VPS13C: variants seen among roughly 807,000 people sequenced by gnomAD.
The protein encoded by VPS13C is vacuolar protein sorting 13 homolog C, also known as intermembrane lipid transfer protein VPS13C.
VPS13C carries 358 observed loss-of-function variants against 456.8 expected under a neutral mutation model. The ratio of observed to expected loss-of-function variants is 0.78; its 90% CI spans 0.72 to 0.86. The LOEUF (loss-of-function observed/expected upper bound fraction) is 0.86. Ranked by LOEUF, VPS13C falls within the 40% of genes least tolerant of loss-of-function variation. The pLI, the probability that VPS13C is intolerant of heterozygous loss-of-function variation, is 0.00. For missense variants in VPS13C, 4,818 were observed against 4,385.4 expected (o/e 1.10, Z -2.79); for synonymous variants, 1,578 against 1,486.7 (o/e 1.06, Z -1.41).
chr15:62,002,284 T>G (rs1421459386), intron 15 of VPS13C, among the ~76,000 whole-genome samples: 2 of 152,238 alleles, frequency 1.3e-5, no homozygotes, highest in Non-Finnish European at 2.9e-5. Flanking sequence ...GGTGAGCATT[T>G]TTTCATGTGT....
intron 66 of VPS13C, among the ~76,000 whole-genome samples, chr15:61,895,452 G>GCTAGACT: frequency 6.6e-6 from 1 of 152,156 alleles, no homozygotes; most frequent in Middle Eastern, 3.4e-3. Flanking sequence ...CAAACTTTTA[G>GCTAGACT]CTAGACTACA....
intron 31 of VPS13C, 42 bp from the exon 32 acceptor site, chr15:61,963,993 G>T: frequency 1.6e-6 from 2 of 1,282,350 alleles, no homozygotes; most frequent in Non-Finnish European, 2.2e-6. Context: ...TGAGATTCTA[G>T]TCATCTACAT....
chr15:62,021,183 T>C (rs2047448816), intron 8 of VPS13C, among the ~76,000 whole-genome samples: 1 of 151,856 alleles, frequency 6.6e-6, no homozygotes, highest in South Asian at 2.1e-4. Flanking sequence ...AGGAAATTTA[T>C]TAATGGGTAC....
chr15:62,017,227 C>T (rs1398232232), intron 9 of VPS13C, among the ~76,000 whole-genome samples: 2 of 152,092 alleles, frequency 1.3e-5, no homozygotes, highest in African/African-American at 2.4e-5. Flanking sequence ...TTCTCCCATT[C>T]TGTAGGTTGC....
Position 61,911,935 on chromosome 15 carries a change from T to C in VPS13C, c.8620A>G (p.Ile2874Val), listed in dbSNP as rs762787145. ...AGTTCTAATGATGACTTGTTTGCAA[T>C]GGTACAAAAGGGAGTCAGGGTAACT... is the stretch of plus-strand genomic sequence containing the variant. ...RIVTLTPFCT[I>V]ANKSSLELEV... Residue 2874 changes from isoleucine to valine, a missense_variant, in exon 63 of 85, where the codon ATT becomes GTT. This residue lies in a region of VPS13C where 4,552 missense variants were observed against 4,130.6 expected (regional missense o/e 1.10). Coordinates refer to ENST00000644861, the MANE Select transcript of VPS13C (RefSeq NM_020821.3). 3.0e-5 allele frequency: 49 copies of C among 1,612,986 alleles called. No homozygotes were observed. The highest frequency in any genetic ancestry group is 3.3e-5 in the Non-Finnish European group (39 of 1,179,494).
At chr15:61,910,675 T>G (rs371475243) in intron 63 of VPS13C, among the ~76,000 whole-genome samples, 1 of 152,182 alleles carries the variant, frequency 6.6e-6, no homozygotes, top group African/African-American at 2.4e-5. Context: ...TGATGAATTC[T>G]TTCACAGAGT....
intron 15 of VPS13C, among the ~76,000 whole-genome samples, chr15:62,001,201 G>A (rs1273789631): frequency 6.6e-6 from 1 of 152,170 alleles, no homozygotes. Flanking sequence ...GACAGATATT[G>A]TTACCATTTT....
At chr15:61,956,340 G>C (rs561789789) in intron 37 of VPS13C, among the ~76,000 whole-genome samples, 2 of 150,152 alleles carry the variant, frequency 1.3e-5, no homozygotes, top group Admixed American at 6.7e-5. Flanking sequence ...GAGAGGGGGG[G>C]ACTGGGGGAG....
Position 61,967,434 on chromosome 15 carries a change from C to T in VPS13C, c.2925G>A (p.Lys975=), listed in dbSNP as rs763620558. Reference sequence around the variant, plus strand: ...CAGAAGAGCTAATCAAGTGAAGGGGCTTCCTTTTGGATCCTAGATTAAAGA... The same window carrying T: ...CAGAAGAGCTAATCAAGTGAAGGGGTTTCCTTTTGGATCCTAGATTAAAGA... ...DYHEIEGSKR[K]PLHLISSSDK... Residue 975 remains lysine (K), a synonymous_variant, in exon 29 of 85, where the codon AAG becomes AAA. Transcript: ENST00000644861. 3.1e-6 allele frequency: 5 copies of T among 1,597,748 alleles called. No homozygotes were observed. The highest frequency in any genetic ancestry group is 2.7e-5 in the African/African-American group (2 of 73,274).
rs2043735450 is a variant in VPS13C at position 61,923,654 on chromosome 15, C to T, written c.6610-892G>A. On this transcript the variant is annotated intron_variant, in intron 53 of 84. Transcript: ENST00000644861. The stretch of plus-strand genomic sequence containing the variant: ...TAGGTTAAATAAGTTAACTGTATTC[C>T]TTTATTGTTCACTTCTCACAATCCT... Among the ~76,000 whole-genome samples the T allele has an allele frequency of 1.3e-5, 2 of 151,130 alleles. 1 individual carries two copies. Among genetic ancestry groups the T allele is most frequent in the South Asian group, 4.2e-4 (2 of 4,766 alleles).
chr15:61,863,732 A>G (rs929420954), intron 81 of VPS13C: 3 of 408,104 alleles, frequency 7.4e-6, no homozygotes, highest in Admixed American at 4.3e-5. Flanking sequence ...TAAAAGAAAA[A>G]CATGTAATAA....
chr15:61,958,863 T>A (rs1006568532), intron 36 of VPS13C, 147 bp from the exon 37 acceptor site: 2 of 464,332 alleles, frequency 4.3e-6, no homozygotes, highest in African/African-American at 4.1e-5. Flanking sequence ...CTCACTTAAG[T>A]ATTGCACTAC....
intron 5 of VPS13C, among the ~76,000 whole-genome samples, chr15:62,029,890 G>A (rs533505949): frequency 7.9e-5 from 12 of 152,092 alleles, no homozygotes; most frequent in East Asian, 3.9e-4. Flanking sequence ...AATTATATCC[G>A]GTGCATCCAT....
At chr15:61,922,184 ACT>A (rs1247300715) in intron 54 of VPS13C, 151 bp from the exon 55 acceptor site, 35 of 1,038,740 alleles carry the variant, frequency 3.4e-5, no homozygotes, top group South Asian at 1.0e-4. Context: ...ATTTTCCTTT[ACT>A]CTCTTACTCT....
chr15:61,941,860 C>G lies in VPS13C; in HGVS notation c.5356G>C (p.Val1786Leu). ...GGAACCAAGCTAAACTTGTTTTCAACTCTGATTAAACCCAGATCTGCTATA... is the reference window on the plus strand; with the variant it reads ...GGAACCAAGCTAAACTTGTTTTCAAGTCTGATTAAACCCAGATCTGCTATA... ...AVIADLGLIRVENKFSLVPME... is the reference protein window; with the variant it reads ...AVIADLGLIRLENKFSLVPME... The change falls in exon 46 of 85, where the codon GTT becomes CTT. Residue 1786 changes from valine to leucine, a missense_variant. This residue lies in a region of VPS13C where 4,552 missense variants were observed against 4,130.6 expected (regional missense o/e 1.10). Transcript: ENST00000644861. 1.9e-6 allele frequency: 3 copies of G among 1,613,966 alleles called. No homozygotes were observed. The highest frequency in any genetic ancestry group is 1.7e-6 in the Non-Finnish European group (2 of 1,179,886).
At chr15:62,026,069 G>T (rs1245238269) in intron 6 of VPS13C, among the ~76,000 whole-genome samples, 2 of 149,750 alleles carry the variant, frequency 1.3e-5, no homozygotes, top group Non-Finnish European at 3.0e-5. Flanking sequence ...AACCTGTTGA[G>T]ATATGTTGTT....
intron 23 of VPS13C, 42 bp downstream of exon 23, chr15:61,978,584 C>T (rs375717038): frequency 6.3e-7 from 1 of 1,593,294 alleles, no homozygotes; most frequent in African/African-American, 1.3e-5. Context: ...CACAAACTAC[C>T]CATCATAATC....
rs757593716 is a variant in VPS13C, at chr15:61,917,396, T to A, written c.8000A>T (p.Tyr2667Phe). 1 of 1,613,982 alleles carries A rather than the reference T, an allele frequency of 6.2e-7. No homozygotes were observed. The highest frequency in any genetic ancestry group is 2.2e-5 in the East Asian group (1 of 44,866). ...DWDVAYIIHLYPSLTLRNLLP... is the reference protein window; with the variant it reads ...DWDVAYIIHLFPSLTLRNLLP... The stretch of plus-strand genomic sequence containing the variant: ...AAGATTCCGCAAAGTGAGAGAAGGA[T>A]AAAGATGAATAATGTAAGCTACATC... The change falls in exon 60 of 85, where the codon TAT (tyrosine) becomes TTT (phenylalanine). Residue 2667 changes from tyrosine (Y) to phenylalanine (F), a missense_variant. By Grantham distance (22) the Tyr-to-Phe change is conservative. This residue lies in a region of VPS13C where 4,552 missense variants were observed against 4,130.6 expected (regional missense o/e 1.10). Transcript: ENST00000644861.
At chr15:61,877,792 G>T (rs1006477515) in intron 74 of VPS13C, among the ~76,000 whole-genome samples, 6 of 151,776 alleles carry the variant, frequency 4.0e-5, no homozygotes, top group African/African-American at 1.5e-4. Flanking sequence ...TTGATAATTT[G>T]CTTTAATTTG....
Sources: gnomAD v4.1 joint callset for allele counts (sites outside exome capture counted in the v4.1 genomes callset) on GRCh38, gnomAD v4.1.1 for gene constraint, gnomAD v4.1.1 regional missense constraint, MANE v1.5 for transcripts, NCBI Gene and HGNC (gene_info 2026-07-23, HGNC 2026-07-21) for gene names.